Variants in SMARCA2 observed in about 807,000 individuals in gnomAD.
The protein encoded by SMARCA2 is SWI/SNF related BAF chromatin remodeling complex subunit ATPase 2.
In SMARCA2, 61 loss-of-function variants were observed where a neutral mutation model predicts 199.8. The observed-to-expected ratio is 0.31, with a 90% CI of 0.25 to 0.38. The LOEUF is 0.38. Among genes scored for constraint, SMARCA2 ranks in the 10% least tolerant of loss-of-function variants. The probability of loss-of-function intolerance (pLI) is 1.00; values close to 1 mark genes in which losing one functional copy is unlikely to be tolerated. For synonymous variants in SMARCA2, 935 were observed against 732.0 expected (o/e 1.28, Z -4.48); for missense variants, 1,344 against 2,012.2 (o/e 0.67, Z 6.35).
At position 2,170,405 on chromosome 9, in the gene SMARCA2, C is replaced by A; in HGVS notation, c.4200-14C>A. Reference sequence around the variant, plus strand: ...AGGTCTTCTGACTCTAGTGTTCTTTCTACTCTACCGCAGGTGTAACGTGGA... The same window carrying A: ...AGGTCTTCTGACTCTAGTGTTCTTTATACTCTACCGCAGGTGTAACGTGGA... On this transcript the variant is annotated splice_polypyrimidine_tract_variant and intron_variant, in intron 28 of 33. Coordinates refer to ENST00000349721, the MANE Select transcript of SMARCA2 (RefSeq NM_003070.5). This position sits in a 1 kb window ranked among gnomAD's most constrained non-coding sequence, Gnocchi z 4.7. 6.2e-7 allele frequency: 1 copy of A among 1,614,066 alleles called. No homozygotes were observed.
Position 2,086,732 on chromosome 9 carries a change from G to A in SMARCA2, c.2527-97G>A. ...TAATCACAGCATATCATATACCAAG[G>A]ATGGGTTCTTTGGTTTTCCGCACCA... On this transcript the variant is annotated intron_variant, in intron 17 of 33. Coordinates refer to ENST00000349721, the MANE Select transcript of SMARCA2 (RefSeq NM_003070.5). This position sits in a 1 kb window ranked among gnomAD's most constrained non-coding sequence, Gnocchi z 4.3. 7.4e-7 allele frequency: 1 copy of A among 1,347,354 alleles called. No individual in the cohort carries two copies. The highest frequency in any genetic ancestry group is 2.3e-5 in the East Asian group (1 of 43,646). The allele number at this position is 1,347,354 out of a possible 1,614,324, so 83.5% of individuals were successfully genotyped here.
chr9:2,077,600 G>T (rs1821383899), intron 13 of SMARCA2, 29 bp from the exon 14 acceptor site: 2 of 1,609,610 alleles, frequency 1.2e-6, no homozygotes, highest in Non-Finnish European at 1.7e-6. Context: ...ACATGTCTGT[G>T]TGTGATTCTC....
intron 5 of SMARCA2, among the ~76,000 whole-genome samples, chr9:2,054,120 G>A (rs1303785678): frequency 2.0e-5 from 3 of 152,140 alleles, no homozygotes; most frequent in African/African-American, 7.2e-5. Context: ...TGCTCACTGC[G>A]CTTTAATGGC....
At chr9:2,100,189 T>C (rs1412744406) in intron 21 of SMARCA2, among the ~76,000 whole-genome samples, 1 of 152,158 alleles carries the variant, frequency 6.6e-6, no homozygotes, top group Non-Finnish European at 1.5e-5. Context: ...GCCATTCCCA[T>C]AAAGTCAGAA....
chr9:2,182,290 G>T, intron 31 of SMARCA2, 48 bp downstream of exon 31: 2 of 1,126,094 alleles, frequency 1.8e-6, no homozygotes, highest in African/African-American at 1.6e-5. Flanking sequence ...AAATGTGCCC[G>T]TTGTTCTTTT....
intron 27 of SMARCA2, among the ~76,000 whole-genome samples, chr9:2,127,204 G>T (rs1823733543): frequency 6.6e-6 from 1 of 151,968 alleles, no homozygotes; most frequent in Non-Finnish European, 1.5e-5. Flanking sequence ...TAGTATTCTC[G>T]GTAGTTGCCA....
At chr9:2,018,893 C>T in intron 1 of SMARCA2, among the ~76,000 whole-genome samples, 1 of 152,178 alleles carries the variant, frequency 6.6e-6, no homozygotes, top group East Asian at 1.9e-4. Flanking sequence ...TTTAGGCTTC[C>T]AGGCTACCTC....
In SMARCA2 at chr9:2,073,599, G is replaced by A; in HGVS notation, c.1911G>A (p.Glu637=). 6.2e-7 allele frequency: 1 copy of A among 1,611,992 alleles called. No homozygotes were observed. ...TTGCCCCTAGATCTGACAGTGAAGAGAGTGATTCTGATTATGAGGAAGAGG... is the reference window on the plus strand; with the variant it reads ...TTGCCCCTAGATCTGACAGTGAAGAAAGTGATTCTGATTATGAGGAAGAGG... ...YEVAPRSDSE[E]SDSDYEEEDE... Residue 637 remains glutamate, a synonymous_variant, in exon 12 of 34, where the codon GAG becomes GAA. Coordinates refer to ENST00000349721, the MANE Select transcript of SMARCA2 (RefSeq NM_003070.5).
rs1023143769 is a variant in SMARCA2, at chr9:2,115,321, T to C, written c.3457-501T>C. ...GTTAGGTTCGAGGAAATTGACTACC[T>C]GAGCAGTCAGTGTGTGTGTATGTGT... On this transcript the variant is annotated intron_variant, in intron 24 of 33. Coordinates refer to ENST00000349721, the MANE Select transcript of SMARCA2 (RefSeq NM_003070.5). This position sits in a 1 kb window ranked among gnomAD's most constrained non-coding sequence, Gnocchi z 6.0. 6.6e-6 allele frequency among the ~76,000 whole-genome samples: 1 copy of C among 152,206 alleles called. No individual in the cohort carries two copies. Among genetic ancestry groups the C allele is most frequent in the African/African-American group, 2.4e-5 (1 of 41,452 alleles).
At chr9:2,157,758 A>G (rs1238381290) in intron 27 of SMARCA2, 3 of 395,198 alleles carry the variant, frequency 7.6e-6, no homozygotes, top group Middle Eastern at 6.3e-4. Flanking sequence ...TTACCTATTC[A>G]TAATCATGGA....
intron 10 of SMARCA2, among the ~76,000 whole-genome samples, chr9:2,072,869 C>T (rs576257562): frequency 1.2e-3 from 190 of 152,278 alleles, no homozygotes; most frequent in African/African-American, 4.1e-3. Flanking sequence ...GAGCCATTAC[C>T]GCTTTCCTGG....
At chr9:2,164,583 C>T (rs1825849748) in intron 28 of SMARCA2, among the ~76,000 whole-genome samples, 1 of 152,138 alleles carries the variant, frequency 6.6e-6, no homozygotes, top group Non-Finnish European at 1.5e-5. Flanking sequence ...TGAGGCTAAT[C>T]AGGTAGGTGA....
chr9:2,175,447 C>G (rs1434626920), intron 29 of SMARCA2, among the ~76,000 whole-genome samples: 1 of 152,068 alleles, frequency 6.6e-6, no homozygotes, highest in African/African-American at 2.4e-5. Flanking sequence ...CTGATGGTTG[C>G]AACATACAAC....
In SMARCA2 at chr9:2,086,811, C is replaced by T. The variant is rs375420893; in HGVS notation, c.2527-18C>T. 1.2e-5 allele frequency: 19 copies of T among 1,613,664 alleles called. No homozygotes were observed. The highest frequency in any genetic ancestry group is 1.4e-5 in the Non-Finnish European group (16 of 1,179,798). On this transcript the variant is annotated intron_variant, in intron 17 of 33. Transcript: ENST00000349721. The surrounding 1 kb of genome is among the most constrained non-coding windows in gnomAD (Gnocchi z 4.3). ...TTCCCTTGCTTACTACACGTCCGTC[C>T]TTCCTCTTGTGTTATAGATTCGGTG...
Position 2,039,917 on chromosome 9 carries a change from C to G in SMARCA2, c.790+17C>G. On this transcript the variant is annotated intron_variant, in intron 4 of 33. Coordinates refer to ENST00000349721, the MANE Select transcript of SMARCA2 (RefSeq NM_003070.5). This position sits in a 1 kb window ranked among gnomAD's most constrained non-coding sequence, Gnocchi z 4.8. ...GACCATCTGGTAGGTTAATACGCAA[C>G]CAAATGAATAATGCCATGGTCCAAC... is the stretch of plus-strand genomic sequence containing the variant. 1.2e-6 allele frequency: 2 copies of G among 1,611,684 alleles called. No individual in the cohort carries two copies. Among genetic ancestry groups the G allele is most frequent in the East Asian group, 2.2e-5 (1 of 44,870 alleles).
At chr9:2,166,567 C>T (rs1028363324) in intron 28 of SMARCA2, among the ~76,000 whole-genome samples, 2 of 152,068 alleles carry the variant, frequency 1.3e-5, no homozygotes, top group Admixed American at 6.5e-5. Context: ...ACTTTTCATC[C>T]CATCATCCTT....
At chr9:2,084,336 A>G (rs1821701417) in intron 17 of SMARCA2, 140 bp downstream of exon 17, 1 of 564,240 alleles carries the variant, frequency 1.8e-6, no homozygotes, top group Non-Finnish European at 3.1e-6. Context: ...TCAGAGTTTG[A>G]TATGTTTTGG....
At chr9:2,089,839 C>G (rs1054901429) in intron 19 of SMARCA2, among the ~76,000 whole-genome samples, 27 of 152,136 alleles carry the variant, frequency 1.8e-4, no homozygotes, top group Middle Eastern at 3.4e-3. Flanking sequence ...CATACAGTTA[C>G]GGTGATTCTG....
At chr9:2,121,907 A>G (rs2130620049) in intron 26 of SMARCA2, among the ~76,000 whole-genome samples, 1 of 152,366 alleles carries the variant, frequency 6.6e-6, no homozygotes, top group South Asian at 2.1e-4. Context: ...GGGAAAAAGC[A>G]CTTTTAAAAC....
Sources: allele counts gnomAD v4.1 joint callset (sites outside exome capture counted in the v4.1 genomes callset), GRCh38; gene constraint gnomAD v4.1.1; non-coding constraint Gnocchi (gnomAD v3.1); transcripts MANE v1.5; gene names NCBI Gene and HGNC (gene_info 2026-07-23, HGNC 2026-07-21).